CES5A: variants seen among roughly 807,000 people sequenced by gnomAD.
The protein encoded by CES5A is carboxylesterase 5.
Under a neutral mutation model 62.9 loss-of-function variants are expected in CES5A, and 67 were observed. The observed-to-expected ratio is 1.07, with a 90% CI of 0.88 to 1.31. The LOEUF is 1.31. Ranked by LOEUF, CES5A falls within the 50% of genes most tolerant of loss-of-function variation. The pLI is 0.00. For synonymous variants in CES5A, 296 were observed against 280.8 expected (o/e 1.05, Z -0.54); for missense variants, 748 against 708.5 (o/e 1.06, Z -0.63).
intron 5 of CES5A, among the ~76,000 whole-genome samples, chr16:55,864,072 G>T (rs1375766239): frequency 1.3e-5 from 2 of 152,118 alleles, no homozygotes; most frequent in Non-Finnish European, 2.9e-5. Flanking sequence ...CTAAGTATCG[G>T]TTCACTCCCC....
upstream of CES5A, among the ~76,000 whole-genome samples, chr16:55,876,010 C>T (rs2033688010): frequency 6.6e-6 from 1 of 152,222 alleles, no homozygotes; most frequent in South Asian, 2.1e-4. Flanking sequence ...TAACTGCCAC[C>T]TCTTCCGAGA....
Position 55,847,113 on chromosome 16 carries a change from C to T in CES5A, c.1424-273G>A, listed in dbSNP as rs556260449. 3.4e-4 allele frequency among the ~76,000 whole-genome samples: 52 copies of T among 152,268 alleles called. No homozygotes were observed. The South Asian group carries it at 0.011, about 31-fold the overall frequency. ...AGCCAGTCCCATGAGGCTGCAGGTT[C>T]CCTGGGGACACAGACCAGCTTGCTC... On this transcript the variant is annotated intron_variant, in intron 11 of 12. Transcript: ENST00000290567.
chr16:55,868,368 G>A (rs2033508852), intron 4 of CES5A, among the ~76,000 whole-genome samples: 1 of 152,142 alleles, frequency 6.6e-6, no homozygotes, highest in Admixed American at 6.5e-5. Context: ...ATCCCCATGT[G>A]TTGCTACCTC....
At chr16:55,880,059 T>C (rs1425206285), upstream of CES5A, among the ~76,000 whole-genome samples, 1 of 152,234 alleles carries the variant, frequency 6.6e-6, no homozygotes, top group Non-Finnish European at 1.5e-5. Flanking sequence ...CCTTGTTCTA[T>C]AGGTGGTATA....
chr16:55,926,196 A>G (rs2034255987), upstream of CES5A, among the ~76,000 whole-genome samples: 1 of 152,200 alleles, frequency 6.6e-6, no homozygotes, highest in South Asian at 2.1e-4. Context: ...GATCCTTACA[A>G]ATTATGTGAA....
chr16:55,854,531 C>CTTTCTGTTTTCTTTCT lies in CES5A; in HGVS notation c.1126-1504_1126-1503insAGAAAGAAAACAGAAA, dbSNP rs1555479325. Among the ~76,000 whole-genome samples the CTTTCTGTTTTCTTTCT allele has an allele frequency of 6.8e-3, 356 of 52,134 alleles. 12 individuals carry two copies. Among genetic ancestry groups the CTTTCTGTTTTCTTTCT allele is most frequent in the Non-Finnish European group, 9.7e-3 (273 of 28,056 alleles). The allele number at this position is 52,134 out of a possible 152,430, so 34.2% of individuals were successfully genotyped here. A position where few individuals can be genotyped will look rare whatever the true frequency, so the allele number is the denominator to read the frequency against. Reference sequence around the variant, plus strand: ...TGAGGGATATCTGCCTGTAGTGTTTCTTTTTTTTTTTTCTTTTTTTTTTTT... The same window carrying CTTTCTGTTTTCTTTCT: ...TGAGGGATATCTGCCTGTAGTGTTTCTTTCTGTTTTCTTTCTTTTTTTTTTTTTCTTTTTTTTTTTT... On this transcript the variant is annotated intron_variant, in intron 9 of 12. Transcript: ENST00000290567.
intron 1 of CES5A, among the ~76,000 whole-genome samples, chr16:55,919,332 A>G (rs1283575022): frequency 1.3e-5 from 2 of 152,260 alleles, no homozygotes; most frequent in African/African-American, 2.4e-5. Context: ...TCAAAGGGCT[A>G]TGGAGAAGCT....
intron 1 of CES5A, among the ~76,000 whole-genome samples, chr16:55,955,508 G>A (rs911837820): frequency 5.9e-5 from 9 of 152,146 alleles, no homozygotes; most frequent in South Asian, 2.1e-4. Context: ...TCATCCATTA[G>A]CAATAAGGAG....
chr16:55,878,935 C>CCA (rs2033730542), upstream of CES5A, among the ~76,000 whole-genome samples: 2 of 141,648 alleles, frequency 1.4e-5, no homozygotes, highest in Non-Finnish European at 3.1e-5. Flanking sequence ...CACTGCACCT[C>CCA]CCACTGCACC....
At chr16:55,952,906 G>A (rs922481829) in intron 1 of CES5A, among the ~76,000 whole-genome samples, 9 of 152,096 alleles carry the variant, frequency 5.9e-5, no homozygotes, top group African/African-American at 1.9e-4. Flanking sequence ...ACTCTAACTC[G>A]TTCCATGTGG....
intron 11 of CES5A, among the ~76,000 whole-genome samples, chr16:55,847,077 C>G (rs1378195858): frequency 1.3e-5 from 2 of 152,158 alleles, no homozygotes; most frequent in African/African-American, 4.8e-5. Context: ...CTGTCCACCC[C>G]GTGTTCCTGC....
At chr16:55,888,184 G>A (rs554800207) in intron 1 of CES5A, among the ~76,000 whole-genome samples, 7 of 152,164 alleles carry the variant, frequency 4.6e-5, no homozygotes, top group African/African-American at 1.7e-4. Flanking sequence ...TCCACATCTC[G>A]TCCTCTCTGC....
chr16:55,918,203 C>T (rs2034167265), intron 1 of CES5A, among the ~76,000 whole-genome samples: 1 of 152,164 alleles, frequency 6.6e-6, no homozygotes, highest in African/African-American at 2.4e-5. Flanking sequence ...ACCCAAGGCT[C>T]ACCTCCAGAG....
chr16:55,921,532 T>A (rs2034204332), intron 1 of CES5A, among the ~76,000 whole-genome samples: 2 of 150,550 alleles, frequency 1.3e-5, no homozygotes, highest in Non-Finnish European at 2.9e-5. Flanking sequence ...TCTTCAAATA[T>A]GAAGGAGAGA....
intron 1 of CES5A, among the ~76,000 whole-genome samples, chr16:55,888,592 T>G (rs2033840748): frequency 6.6e-6 from 1 of 152,236 alleles, no homozygotes; most frequent in African/African-American, 2.4e-5. Context: ...GATTGTCTGC[T>G]AAATAAACTA....
At chr16:55,903,169 C>T (rs1032598349) in intron 1 of CES5A, among the ~76,000 whole-genome samples, 6 of 151,956 alleles carry the variant, frequency 3.9e-5, no homozygotes, top group African/African-American at 1.5e-4. Context: ...AAAGATACTG[C>T]CTTTGAGTTG....
chr16:55,928,882 CCCCAGGACTCAGAGGT>C (rs1296409060), upstream of CES5A, among the ~76,000 whole-genome samples: 1 of 152,158 alleles, frequency 6.6e-6, no homozygotes, highest in Non-Finnish European at 1.5e-5. Context: ...CTACCTGTGT[CCCCAGGACTCAGAGGT>C]CCCAGGTGAC....
chr16:55,871,735 A>C lies in CES5A; in HGVS notation c.307T>G (p.Leu103Val). The C allele has an allele frequency of 2.5e-6, 4 of 1,614,056 alleles. 1 individual carries two copies. The highest frequency in any genetic ancestry group is 3.4e-6 in the Non-Finnish European group (4 of 1,179,974). The change falls in exon 3 of 13, where the codon TTA becomes GTA. Residue 103 changes from leucine to valine, a missense_variant. Leu to Val is a conservative substitution (Grantham distance 32, BLOSUM62 1). Coordinates refer to ENST00000290567, the MANE Select transcript of CES5A (RefSeq NM_001143685.2). ...LCLQNSEWLL[L>V]DQHMLKVHYP... ...TGCACCTTGAGCATATGTTGATCTA[A>C]GAGCAGCCACTCTGAGTTCTGGAGG...
At chr16:55,875,422 A>C, upstream of CES5A, 1 of 1,280,750 alleles carries the variant, frequency 7.8e-7, no homozygotes, top group Non-Finnish European at 1.0e-6. Flanking sequence ...TGATTTACAT[A>C]AGAAGCTGAT....
Sources: allele counts gnomAD v4.1 joint callset (sites outside exome capture counted in the v4.1 genomes callset), GRCh38; gene constraint gnomAD v4.1.1; transcripts MANE v1.5; gene names NCBI Gene and HGNC (gene_info 2026-07-23, HGNC 2026-07-21).